Variants in OR14A2 observed in about 807,000 individuals in gnomAD.
OR14A2 encodes the protein olfactory receptor family 14 subfamily A member 2.
For missense variants in OR14A2, 237 were observed against 152.9 expected (o/e 1.55, Z -2.90); for synonymous variants, 114 against 58.6 (o/e 1.95, Z -4.32).
the OR14A2 span, among the ~76,000 whole-genome samples, chr1:247,741,684 A>T: frequency 6.6e-6 from 1 of 152,294 alleles, no homozygotes; most frequent in Non-Finnish European, 1.5e-5. Flanking sequence ...CAGGAAGTGA[A>T]TTTTTGCTGT....
the OR14A2 span, among the ~76,000 whole-genome samples, chr1:247,737,301 C>G: frequency 5.3e-5 from 8 of 152,168 alleles, no homozygotes; most frequent in East Asian, 1.5e-3. Context: ...GCTACATTCT[C>G]TTTCAGTTGA....
At chr1:247,723,337 A>G (rs866288394) in exon 1 of OR14A2, 1 of 717,408 alleles carries the variant, frequency 1.4e-6, no homozygotes, top group Admixed American at 2.0e-5. Flanking sequence ...GCATGTGGAA[A>G]AAGCTTTGGA....
chr1:247,730,296 C>CA, the OR14A2 span, among the ~76,000 whole-genome samples: 14 of 151,988 alleles, frequency 9.2e-5, no homozygotes, highest in East Asian at 2.3e-3. Flanking sequence ...TCAAACATAG[C>CA]AAAAAAACCT....
chr1:247,745,494 A>T, the OR14A2 span, among the ~76,000 whole-genome samples: 1 of 152,114 alleles, frequency 6.6e-6, no homozygotes, highest in Non-Finnish European at 1.5e-5. Context: ...CCAAAGCCAG[A>T]AGCCTTAAAG....
the OR14A2 span, among the ~76,000 whole-genome samples, chr1:247,735,452 G>A: frequency 1.1e-4 from 16 of 152,186 alleles, no homozygotes; most frequent in South Asian, 2.1e-4. Flanking sequence ...TTATTCTCAT[G>A]AGACCCAGAA....
the OR14A2 span, among the ~76,000 whole-genome samples, chr1:247,729,131 T>G: frequency 6.6e-6 from 1 of 152,142 alleles, no homozygotes; most frequent in Non-Finnish European, 1.5e-5. Flanking sequence ...TTTAAGGCAC[T>G]TGGCTAATAC....
the OR14A2 span, chr1:247,739,203 AGTGT>A: frequency 1.3e-6 from 1 of 780,836 alleles, no homozygotes; most frequent in East Asian, 2.4e-5. Context: ...CATTAGTGTC[AGTGT>A]GGCCATTGGG....
chr1:247,746,302 C>G, the OR14A2 span: 1 of 152,104 alleles, frequency 6.6e-6, no homozygotes, highest in Non-Finnish European at 1.5e-5. Context: ...GACATTAGCT[C>G]GAAGCCCACA....
the OR14A2 span, among the ~76,000 whole-genome samples, chr1:247,733,364 C>T: frequency 6.6e-6 from 1 of 152,208 alleles, no homozygotes; most frequent in African/African-American, 2.4e-5. Context: ...AAGGTAACCT[C>T]TTAAACTGAT....
At chr1:247,742,910 T>A in the OR14A2 span, among the ~76,000 whole-genome samples, 1 of 152,194 alleles carries the variant, frequency 6.6e-6, no homozygotes, top group African/African-American at 2.4e-5. Flanking sequence ...TAAATGTATC[T>A]AGAACTATGC....
upstream of OR14A2, among the ~76,000 whole-genome samples, chr1:247,725,033 TG>T (rs1660303509): frequency 6.6e-6 from 1 of 151,886 alleles, no homozygotes; most frequent in Admixed American, 6.6e-5. Flanking sequence ...TAAACAACTT[TG>T]TTTTTTCCTA....
the OR14A2 span, chr1:247,738,674 G>A: frequency 5.1e-6 from 4 of 780,740 alleles, no homozygotes; most frequent in Middle Eastern, 2.3e-4. Context: ...AGAATTGGGT[G>A]CTCCTGAGGC....
chr1:247,723,449 C>T (rs933332043), exon 1 of OR14A2: 1 of 717,458 alleles, frequency 1.4e-6, no homozygotes, highest in Non-Finnish European at 2.6e-6. Context: ...GCACCAACTC[C>T]AATACCTGCA....
At chr1:247,727,597 A>G (rs1447337013), upstream of OR14A2, among the ~76,000 whole-genome samples, 1 of 148,918 alleles carries the variant, frequency 6.7e-6, no homozygotes, top group African/African-American at 2.6e-5. Flanking sequence ...GGAAATAGAG[A>G]CACAAAAAAC....
At chr1:247,730,828 G>A in the OR14A2 span, among the ~76,000 whole-genome samples, 5 of 152,008 alleles carry the variant, frequency 3.3e-5, no homozygotes, top group African/African-American at 1.2e-4. Context: ...CCTTTCTTCT[G>A]CCTTTTTGTT....
At chr1:247,729,784 C>T in the OR14A2 span, among the ~76,000 whole-genome samples, 2 of 151,612 alleles carry the variant, frequency 1.3e-5, no homozygotes, top group African/African-American at 4.9e-5. Flanking sequence ...CTATCCTTTC[C>T]ACCCCATTGC....
exon 1 of OR14A2, chr1:247,723,888 C>G (rs1660267561): frequency 1.4e-6 from 1 of 717,340 alleles, no homozygotes; most frequent in Non-Finnish European, 2.6e-6. Context: ...GTGTTTGGAG[C>G]TTTACGTCCA....
chr1:247,738,769 G>A, the OR14A2 span: 3 of 780,662 alleles, frequency 3.8e-6, no homozygotes, highest in East Asian at 2.4e-5. Flanking sequence ...CTGGACCATC[G>A]TCTCCACATG....
chr1:247,739,446 G>A, the OR14A2 span: 2 of 780,738 alleles, frequency 2.6e-6, no homozygotes, highest in Non-Finnish European at 4.8e-6. Flanking sequence ...GTTCTATTCT[G>A]TCGCACCTCC....
Sources: allele counts gnomAD v4.1 joint callset (sites outside exome capture counted in the v4.1 genomes callset), GRCh38; gene constraint gnomAD v4.1.1; transcripts MANE v1.5; gene names NCBI Gene and HGNC (gene_info 2026-07-23, HGNC 2026-07-21).